ABTB3: variants seen among roughly 807,000 people sequenced by gnomAD.
ABTB3 encodes ankyrin repeat- and BTB/POZ domain-containing protein 3.
chr12:107,497,364 C>A, the ABTB3 span, among the ~76,000 whole-genome samples: 1 of 151,752 alleles, frequency 6.6e-6, no homozygotes, highest in East Asian at 1.9e-4. Context: ...CCACTGTTAT[C>A]ATCACCATCG....
At chr12:107,635,369 C>T in the ABTB3 span, 9 of 1,613,836 alleles carry the variant, frequency 5.6e-6, no homozygotes, top group East Asian at 2.2e-5. Context: ...AGAAATCAAA[C>T]GGAAACAGAC....
At chr12:107,448,953 T>G in the ABTB3 span, among the ~76,000 whole-genome samples, 1 of 152,238 alleles carries the variant, frequency 6.6e-6, no homozygotes, top group Non-Finnish European at 1.5e-5. Flanking sequence ...AATGAATGAA[T>G]GAACCGAAGC....
At chr12:107,381,011 A>G in the ABTB3 span, among the ~76,000 whole-genome samples, 4 of 152,140 alleles carry the variant, frequency 2.6e-5, no homozygotes, top group Non-Finnish European at 5.9e-5. Context: ...AATGGTAGGG[A>G]TGTGTGATCA....
the ABTB3 span, among the ~76,000 whole-genome samples, chr12:107,577,032 T>C: frequency 6.6e-6 from 1 of 152,218 alleles, no homozygotes; most frequent in African/African-American, 2.4e-5. Flanking sequence ...TGGGAAGAAC[T>C]GAACAGGCTA....
the ABTB3 span, among the ~76,000 whole-genome samples, chr12:107,557,447 T>C: frequency 6.6e-6 from 1 of 152,258 alleles, no homozygotes. Flanking sequence ...ATACAGTACA[T>C]GACTGTATAT....
At chr12:107,561,340 A>ACTGT in the ABTB3 span, among the ~76,000 whole-genome samples, 2 of 152,132 alleles carry the variant, frequency 1.3e-5, no homozygotes, top group Non-Finnish European at 2.9e-5. Flanking sequence ...TTCTGGAAGT[A>ACTGT]CTGTCCCTCT....
At chr12:107,446,419 G>C in the ABTB3 span, among the ~76,000 whole-genome samples, 168 of 152,270 alleles carry the variant, frequency 1.1e-3, no homozygotes, top group African/African-American at 4.0e-3. Context: ...CTGATGGGGA[G>C]GGGGACCAGG....
chr12:107,468,361 T>A, the ABTB3 span, among the ~76,000 whole-genome samples: 1 of 152,198 alleles, frequency 6.6e-6, no homozygotes, highest in South Asian at 2.1e-4. Flanking sequence ...GACCAGTCAG[T>A]GGCCTTGTGA....
the ABTB3 span, among the ~76,000 whole-genome samples, chr12:107,475,491 C>T: frequency 6.6e-6 from 1 of 152,302 alleles, no homozygotes; most frequent in East Asian, 1.9e-4. Context: ...CCTGGTGGCC[C>T]TGTCTCCAGT....
chr12:107,558,784 A>G, the ABTB3 span, among the ~76,000 whole-genome samples: 2 of 152,218 alleles, frequency 1.3e-5, no homozygotes, highest in South Asian at 2.1e-4. Context: ...CTTCACAGTC[A>G]TTCTCTCAGC....
the ABTB3 span, among the ~76,000 whole-genome samples, chr12:107,475,127 G>C: frequency 1.3e-5 from 2 of 152,126 alleles, no homozygotes; most frequent in African/African-American, 4.8e-5. Context: ...ATCCTGGCCT[G>C]GCTGCCTCTG....
the ABTB3 span, among the ~76,000 whole-genome samples, chr12:107,592,347 T>C: frequency 6.6e-6 from 1 of 152,204 alleles, no homozygotes; most frequent in African/African-American, 2.4e-5. Context: ...CTGGATCTAC[T>C]TCAAAGTGAA....
the ABTB3 span, among the ~76,000 whole-genome samples, chr12:107,407,104 C>T: frequency 6.6e-6 from 1 of 152,204 alleles, no homozygotes; most frequent in Admixed American, 6.5e-5. Flanking sequence ...ACATAAAGCA[C>T]TTACAACAGT....
the ABTB3 span, among the ~76,000 whole-genome samples, chr12:107,569,327 T>C: frequency 1.3e-5 from 2 of 152,316 alleles, no homozygotes; most frequent in East Asian, 3.9e-4. Flanking sequence ...CAGAGAATTT[T>C]TGTAAGGATA....
the ABTB3 span, among the ~76,000 whole-genome samples, chr12:107,556,740 G>T: frequency 6.6e-6 from 1 of 152,204 alleles, no homozygotes; most frequent in Non-Finnish European, 1.5e-5. Context: ...GCCGGGCATG[G>T]TGGTTCACGC....
the ABTB3 span, among the ~76,000 whole-genome samples, chr12:107,423,097 C>T: frequency 3.3e-5 from 5 of 152,242 alleles, no homozygotes; most frequent in East Asian, 5.8e-4. Flanking sequence ...AATCTGGAAT[C>T]GGGAGTGGTG....
At chr12:107,511,907 C>G in the ABTB3 span, among the ~76,000 whole-genome samples, 1 of 152,198 alleles carries the variant, frequency 6.6e-6, no homozygotes, top group African/African-American at 2.4e-5. Context: ...AATATTTTAC[C>G]TATTCTGACG....
the ABTB3 span, among the ~76,000 whole-genome samples, chr12:107,356,447 G>A: frequency 6.6e-6 from 1 of 152,198 alleles, no homozygotes; most frequent in Non-Finnish European, 1.5e-5. Context: ...CAGGAGCAGA[G>A]TACTTAGGAG....
chr12:107,397,349 C>CA, the ABTB3 span, among the ~76,000 whole-genome samples: 2 of 152,186 alleles, frequency 1.3e-5, no homozygotes, highest in Admixed American at 1.3e-4. Flanking sequence ...TCTTTGTCTG[C>CA]ATATCTCTGA....
Sources: allele counts gnomAD v4.1 joint callset (sites outside exome capture counted in the v4.1 genomes callset), GRCh38; gene constraint gnomAD v4.1.1; transcripts MANE v1.5; gene names NCBI Gene and HGNC (gene_info 2026-07-23, HGNC 2026-07-21).